TIMELESS: variants seen among roughly 807,000 people sequenced by gnomAD.
The protein encoded by TIMELESS is protein timeless homolog.
In TIMELESS, 124 loss-of-function variants were observed where a neutral mutation model predicts 164.3. The observed-to-expected ratio is 0.75, with a 90% CI of 0.65 to 0.88. The LOEUF is 0.88. TIMELESS is among the 40% of genes least tolerant of loss of function. The probability of loss-of-function intolerance (pLI) is 0.00; values close to 1 mark genes in which losing one functional copy is unlikely to be tolerated. For missense variants in TIMELESS, 1,422 were observed against 1,491.4 expected, an observed-to-expected ratio of 0.95 and a Z score of 0.77; for synonymous variants, 564 against 563.4, an observed-to-expected ratio of 1.00 and a Z score of -0.02.
intron 26 of TIMELESS, among the ~76,000 whole-genome samples, chr12:56,420,048 A>ATATATATGTGTG (rs1473074484): frequency 1.6e-4 from 14 of 87,334 alleles, no homozygotes; most frequent in African/African-American, 7.0e-4. Flanking sequence ...ATATATATAT[A>ATATATATGTGTG]TGTGTGTGTG....
intron 1 of TIMELESS, among the ~76,000 whole-genome samples, chr12:56,442,758 G>C (rs56248317): frequency 6.6e-6 from 1 of 152,116 alleles, no homozygotes; most frequent in African/African-American, 2.4e-5. Context: ...CAGGGACCCC[G>C]AATGGAGAGA....
In TIMELESS at chr12:56,417,429, T is replaced by C. The variant is rs1881300461; in HGVS notation, c.*287A>G. On this transcript the variant is annotated 3_prime_UTR_variant, in exon 29 of 29. Transcript: ENST00000553532. ...TCTCTATTTCACTCACTCCTCTTAT[T>C]TGCTAAGGAGCTCCAATAACCAAAA... is the stretch of plus-strand genomic sequence containing the variant. The C allele has an allele frequency of 2.7e-6, 1 of 367,132 alleles. No individual in the cohort carries two copies. The highest frequency in any genetic ancestry group is 5.0e-5 in the East Asian group (1 of 19,846). 22.7% of individuals were successfully genotyped at this position (367,132 alleles called of 1,614,324 possible).
Position 56,428,392 on chromosome 12 carries a change from A to G in TIMELESS, c.1422T>C (p.Tyr474=), listed in dbSNP as rs201094082. The part of the protein sequence containing the change: ...SSRIIKNNIF[Y]VMEYRELFLA... The stretch of plus-strand genomic sequence containing the variant: ...GGAATAGTTCTCGGTACTCCATCAC[A>G]TAGAAAATATTGTCTAGGAATGGGG... Residue 474 remains tyrosine (Y), a synonymous_variant, in exon 13 of 29, where the codon TAT becomes TAC. Transcript: ENST00000553532. The G allele has an allele frequency of 1.9e-6, 3 of 1,609,368 alleles. No individual in the cohort carries two copies. Among genetic ancestry groups the G allele is most frequent in the Middle Eastern group, 1.7e-4 (1 of 6,046 alleles).
rs773523113 is a variant in TIMELESS, at chr12:56,420,696, G to A, written c.3110-9C>T. On this transcript the variant is annotated splice_polypyrimidine_tract_variant and intron_variant, in intron 25 of 28. Coordinates refer to ENST00000553532, the MANE Select transcript of TIMELESS (RefSeq NM_003920.5). ...AACGGCCTGGGAGCAGCCTAAGACAGGGTCAATAGTCATATGGTGAAGATA... is the reference window on the plus strand; with the variant it reads ...AACGGCCTGGGAGCAGCCTAAGACAAGGTCAATAGTCATATGGTGAAGATA... 1.2e-6 allele frequency: 2 copies of A among 1,614,090 alleles called. No homozygotes were observed. The highest frequency in any genetic ancestry group is 1.7e-6 in the Non-Finnish European group (2 of 1,179,954).
rs1881890032 is a variant in TIMELESS, at chr12:56,431,701, C to A, written c.688-97G>T. On this transcript the variant is annotated intron_variant, in intron 7 of 28. Transcript: ENST00000553532. ...TGCAAAGAGTGAACAAAATAGAACC[C>A]CATTAATGGGGCATTGTGCTGTCGT... 4 of 1,433,418 alleles carry A rather than the reference C, an allele frequency of 2.8e-6. No homozygotes were observed. The South Asian group carries it at 5.7e-5, about 20-fold the overall frequency. The allele number at this position is 1,433,418 out of a possible 1,614,324, so 88.8% of individuals were successfully genotyped here.
intron 13 of TIMELESS, among the ~76,000 whole-genome samples, chr12:56,426,661 G>C (rs1881688872): frequency 6.6e-6 from 1 of 152,176 alleles, no homozygotes; most frequent in Non-Finnish European, 1.5e-5. Flanking sequence ...CCGGGTTCAA[G>C]TGATTCTCCC....
rs988419402 is a variant in TIMELESS at position 56,417,392 on chromosome 12, T to G, written c.*324A>C. 1.5e-5 allele frequency: 4 copies of G among 260,428 alleles called. No homozygotes were observed. Among genetic ancestry groups the G allele is most frequent in the African/African-American group, 2.2e-5 (1 of 45,224 alleles). The allele number at this position is 260,428 out of a possible 1,614,324, so 16.1% of individuals were successfully genotyped here. ...CAAAGGAACAGACCAATAAAAGGGG[T>G]CCGGGGTGCTTTCTCTATTTCACTC... On this transcript the variant is annotated 3_prime_UTR_variant, in exon 29 of 29. Coordinates refer to ENST00000553532, the MANE Select transcript of TIMELESS (RefSeq NM_003920.5).
At chr12:56,432,547 AG>A (rs2136144504) in intron 6 of TIMELESS, 23 bp from the exon 7 acceptor site, 2 of 1,606,594 alleles carry the variant, frequency 1.2e-6, no homozygotes, top group Non-Finnish European at 1.7e-6. Context: ...TGGTGAGGGT[AG>A]AAAGGAAGCT....
intron 15 of TIMELESS, among the ~76,000 whole-genome samples, chr12:56,424,464 CGT>C (rs1310544886): frequency 6.6e-6 from 1 of 152,004 alleles, no homozygotes; most frequent in East Asian, 1.9e-4. Context: ...TTTCTCTTAA[CGT>C]TATAAGAAAC....
chr12:56,432,430 G>C lies in TIMELESS; in HGVS notation c.626C>G (p.Ser209Cys). 6.2e-7 allele frequency: 1 copy of C among 1,614,222 alleles called. No individual in the cohort carries two copies. The highest frequency in any genetic ancestry group is 8.5e-7 in the Non-Finnish European group (1 of 1,180,040). The change falls in exon 7 of 29, where the codon TCT becomes TGT. Residue 209 changes from serine to cysteine, a missense_variant. Ser to Cys is a moderately radical substitution (Grantham distance 112). Transcript: ENST00000553532. ...ATGTAGGCTCCATTGCTCCTCAGCA[G>C]ACGAGCTGGCCAGAAAGAGGAGCAG... is the stretch of plus-strand genomic sequence containing the variant. The part of the protein sequence containing the change: ...DDLLLFLASS[S>C]AEEQWSLHVL...
chr12:56,426,078 T>C (rs978305896), intron 13 of TIMELESS, among the ~76,000 whole-genome samples: 1 of 152,062 alleles, frequency 6.6e-6, no homozygotes, highest in Non-Finnish European at 1.5e-5. Context: ...CTTAGGAGCA[T>C]GGAGTCCAGC....
At chr12:56,420,163 A>G (rs1349634472) in intron 26 of TIMELESS, among the ~76,000 whole-genome samples, 2 of 150,720 alleles carry the variant, frequency 1.3e-5, no homozygotes, top group Admixed American at 6.7e-5. Flanking sequence ...TAGGTATTAT[A>G]TGTAATCTAG....
intron 1 of TIMELESS, among the ~76,000 whole-genome samples, chr12:56,437,308 C>T (rs960189580): frequency 1.3e-5 from 2 of 152,022 alleles, no homozygotes. Flanking sequence ...AAACTGATTT[C>T]AGAAAATATA....
At position 56,420,755 on chromosome 12, in the gene TIMELESS, G is replaced by C. The variant is rs527380398; in HGVS notation, c.3109+58C>G. 9.3e-6 allele frequency: 15 copies of C among 1,613,038 alleles called. No homozygotes were observed. The East Asian group carries it at 2.7e-4, about 29-fold the overall frequency. On this transcript the variant is annotated intron_variant, in intron 25 of 28. Coordinates refer to ENST00000553532, the MANE Select transcript of TIMELESS (RefSeq NM_003920.5). ...GAACTGGTTCTCCATCCCATGACCA[G>C]GTAGGTCTCCAATAGCCTCCAGGGC...
Position 56,420,602 on chromosome 12 carries a change from G to A in TIMELESS, c.3195C>T (p.Arg1065=), listed in dbSNP as rs746744242. 7 of 1,614,226 alleles carry A rather than the reference G, an allele frequency of 4.3e-6. No individual in the cohort carries two copies. In the Admixed American group the frequency reaches 1.0e-4, roughly 23 times the overall value. The change falls in exon 26 of 29, where the codon CGC becomes CGT. Residue 1065 remains arginine (R), a synonymous_variant. Coordinates refer to ENST00000553532, the MANE Select transcript of TIMELESS (RefSeq NM_003920.5). ...AGGCAGGGGGCCGAACCCCTAGCTTGCGCAACAGCTGCTGAAACTGTTCGT... is the reference window on the plus strand; with the variant it reads ...AGGCAGGGGGCCGAACCCCTAGCTTACGCAACAGCTGCTGAAACTGTTCGT... ...MENEQFQQLL[R]KLGVRPPASG... is the part of the protein sequence containing the mutation.
Position 56,417,787 on chromosome 12 carries a change from C to G in TIMELESS, c.3557-1G>C, listed in dbSNP as rs1205656869. 1.2e-6 allele frequency: 2 copies of G among 1,614,080 alleles called. No homozygotes were observed. The highest frequency in any genetic ancestry group is 1.7e-6 in the Non-Finnish European group (2 of 1,180,004). ...ATTCCTGGAGCTCCCAACTCTGGTG[C>G]TGTGGGAACGATGGGGGTGAGAGAG... On this transcript the variant is annotated splice_acceptor_variant, in intron 28 of 28. Coordinates refer to ENST00000553532, the MANE Select transcript of TIMELESS (RefSeq NM_003920.5). LOFTEE classifies it high-confidence loss of function.
chr12:56,428,206 C>A, intron 13 of TIMELESS, 30 bp downstream of exon 13: 1 of 1,551,272 alleles, frequency 6.4e-7, no homozygotes, highest in Non-Finnish European at 8.7e-7. Flanking sequence ...TCCCTTACAG[C>A]TCTTTCTACA....
intron 7 of TIMELESS, 50 bp from the exon 8 acceptor site, chr12:56,431,654 C>T: frequency 6.3e-7 from 1 of 1,591,548 alleles, no homozygotes; most frequent in Non-Finnish European, 8.5e-7. Context: ...ATTCCTTATC[C>T]TGAGTTCACG....
At chr12:56,438,438 GC>G (rs1419785816) in intron 1 of TIMELESS, among the ~76,000 whole-genome samples, 1 of 151,780 alleles carries the variant, frequency 6.6e-6, no homozygotes, top group Admixed American at 6.6e-5. Flanking sequence ...TGATCCTCCT[GC>G]CTCCTAATTA....
Sources: gnomAD v4.1 joint callset for allele counts (sites outside exome capture counted in the v4.1 genomes callset) on GRCh38, gnomAD v4.1.1 for gene constraint, MANE v1.5 for transcripts, NCBI Gene and HGNC (gene_info 2026-07-23, HGNC 2026-07-21) for gene names.